TEX14: variants seen among roughly 807,000 people sequenced by gnomAD.
TEX14 encodes inactive serine/threonine-protein kinase TEX14.
Under a neutral mutation model 178.6 loss-of-function variants are expected in TEX14, and 168 were observed. The ratio of observed to expected loss-of-function variants is 0.94; its 90% CI spans 0.83 to 1.07. The LOEUF is 1.07. Ranked by LOEUF, TEX14 falls within the 50% of genes least tolerant of loss-of-function variation. The probability of loss-of-function intolerance (pLI) is 0.00; values close to 1 mark genes in which losing one functional copy is unlikely to be tolerated. For synonymous variants in TEX14, 626 were observed against 634.1 expected, an observed-to-expected ratio of 0.99 and a Z score of 0.19; for missense variants, 1,730 against 1,753.6, an observed-to-expected ratio of 0.99 and a Z score of 0.24.
chr17:58,576,990 T>C (rs2144381424), intron 21 of TEX14, among the ~76,000 whole-genome samples: 1 of 152,356 alleles, frequency 6.6e-6, no homozygotes, highest in Admixed American at 6.5e-5. Context: ...TAAACGTTCC[T>C]GTATGTATTT....
chr17:58,565,113 G>A, intron 27 of TEX14, 145 bp from the exon 28 acceptor site: 1 of 458,746 alleles, frequency 2.2e-6, no homozygotes. Flanking sequence ...GGAGAGCAGG[G>A]GGCCAGGTGG....
intron 10 of TEX14, 40 bp from the exon 11 acceptor site, chr17:58,605,169 AG>A: frequency 6.3e-7 from 1 of 1,595,092 alleles, no homozygotes; most frequent in Non-Finnish European, 8.6e-7. Context: ...CATGCCTTAA[AG>A]GGTCTTTTAT....
At chr17:58,642,030 T>C (rs1220132575) in intron 2 of TEX14, among the ~76,000 whole-genome samples, 3 of 152,158 alleles carry the variant, frequency 2.0e-5, no homozygotes, top group Non-Finnish European at 2.9e-5. Context: ...TCAATTCATT[T>C]CTCTAATGAA....
At chr17:58,565,707 TA>T in intron 27 of TEX14, 39 bp downstream of exon 27, 1 of 1,498,554 alleles carries the variant, frequency 6.7e-7, no homozygotes. Context: ...AGGACAGCGT[TA>T]AAAGAACCTG....
intron 24 of TEX14, among the ~76,000 whole-genome samples, chr17:58,571,366 G>A (rs567316884): frequency 1.3e-5 from 2 of 151,288 alleles, no homozygotes; most frequent in African/African-American, 4.9e-5. Flanking sequence ...CTCCCGTGTA[G>A]CTGAAACTAC....
Position 58,569,363 on chromosome 17 carries a change from A to G in TEX14, c.3818-103T>C. 1.2e-6 allele frequency: 1 copy of G among 841,470 alleles called. No individual in the cohort carries two copies. Among genetic ancestry groups the G allele is most frequent in the Non-Finnish European group, 1.9e-6 (1 of 515,550 alleles). 52.1% of individuals were successfully genotyped at this position (841,470 alleles called of 1,614,324 possible). A position where few individuals can be genotyped will look rare whatever the true frequency, so the allele number is the denominator to read the frequency against. On this transcript the variant is annotated intron_variant, in intron 25 of 31. Transcript: ENST00000349033. The surrounding 1 kb of genome is among the most constrained non-coding windows in gnomAD (Gnocchi z 4.1). Reference sequence around the variant, plus strand: ...ATAGACTTGACTGAGGATTTCTCTCAATGATGAAACAAACTAAGGAGGAAG... The same window carrying G: ...ATAGACTTGACTGAGGATTTCTCTCGATGATGAAACAAACTAAGGAGGAAG...
Position 58,599,525 on chromosome 17 carries a change from G to C in TEX14, c.1820C>G (p.Ala607Gly). 6.2e-7 allele frequency: 1 copy of C among 1,614,018 alleles called. No homozygotes were observed. Among genetic ancestry groups the C allele is most frequent in the Non-Finnish European group, 8.5e-7 (1 of 1,179,996 alleles). ...TGGCTGACCTGTGCTGGGGCTGCTG[G>C]CCTCTTCTGCCATAAATGGAGCAGG... ...PCPAPFMAEE[A>G]SSPSTGQPSL... Residue 607 changes from alanine (A) to glycine (G), a missense_variant, in exon 14 of 32, where the codon GCC becomes GGC. Ala to Gly is a moderately conservative substitution (Grantham distance 60). Coordinates refer to ENST00000349033, the MANE Select transcript of TEX14 (RefSeq NM_031272.5).
intron 19 of TEX14, among the ~76,000 whole-genome samples, chr17:58,584,010 G>C (rs890222818): frequency 6.6e-5 from 10 of 152,192 alleles, no homozygotes; most frequent in Admixed American, 4.6e-4. Context: ...CTGAAGCAAG[G>C]CTGTAACTGC....
chr17:58,591,734 A>C (rs1275312566), intron 15 of TEX14, among the ~76,000 whole-genome samples: 1 of 151,768 alleles, frequency 6.6e-6, no homozygotes, highest in Non-Finnish European at 1.5e-5. Flanking sequence ...AACAAAAAAA[A>C]ACTAAAACTG....
At chr17:58,558,863 G>A (rs1048940508) in intron 30 of TEX14, among the ~76,000 whole-genome samples, 8 of 152,016 alleles carry the variant, frequency 5.3e-5, no homozygotes, top group Admixed American at 1.3e-4. Flanking sequence ...TTTGGAAGAC[G>A]TTGGACAATT....
At position 58,671,187 on chromosome 17, in the gene TEX14, T is replaced by C. The variant is rs181350649; in HGVS notation, c.-1-19185A>G. On this transcript the variant is annotated intron_variant, in intron 1 of 31. Transcript: ENST00000349033. ...TTGGCAGTGTCTGCTGCTTAACCCA[T>C]TCACTAAGATTATTATTTCAATTAT... Among the ~76,000 whole-genome samples, 734 of 152,312 alleles carry C rather than the reference T, an allele frequency of 4.8e-3. 4 individuals carry two copies. The highest frequency in any genetic ancestry group is 0.017 in the African/African-American group (710 of 41,576).
chr17:58,585,059 C>T (rs962833590), intron 18 of TEX14, among the ~76,000 whole-genome samples: 1 of 152,066 alleles, frequency 6.6e-6, no homozygotes, highest in African/African-American at 2.4e-5. Context: ...AGCATAGACT[C>T]TCTGGAAAAA....
Position 58,585,931 on chromosome 17 carries a change from A to G in TEX14, c.2940T>C (p.Asp980=), listed in dbSNP as rs759935199. Residue 980 remains aspartate, a synonymous_variant, in exon 18 of 32, where the codon GAT becomes GAC. Coordinates refer to ENST00000349033, the MANE Select transcript of TEX14 (RefSeq NM_031272.5). The part of the protein sequence containing the change: ...QPPIRSPENT[D]WQRVIEYHRE... The stretch of plus-strand genomic sequence containing the variant: ...TATGATACTCAATAACTCGCTGCCA[A>G]TCCGTGTTTTCTGGGCTCCTAATGG... 5.6e-6 allele frequency: 9 copies of G among 1,613,946 alleles called. No homozygotes were observed. Among genetic ancestry groups the G allele is most frequent in the Non-Finnish European group, 7.6e-6 (9 of 1,179,994 alleles).
intron 4 of TEX14, among the ~76,000 whole-genome samples, chr17:58,622,402 C>T (rs556130941): frequency 4.6e-5 from 7 of 150,752 alleles, no homozygotes; most frequent in South Asian, 2.1e-4. Flanking sequence ...GCTGAGCTCG[C>T]GCCACTGCAC....
chr17:58,569,353 G>T lies in TEX14; in HGVS notation c.3818-93C>A. The stretch of plus-strand genomic sequence containing the variant: ...CGGCTCTCACATAGACTTGACTGAG[G>T]ATTTCTCTCAATGATGAAACAAACT... On this transcript the variant is annotated intron_variant, in intron 25 of 31. Coordinates refer to ENST00000349033, the MANE Select transcript of TEX14 (RefSeq NM_031272.5). The surrounding 1 kb of genome is among the most constrained non-coding windows in gnomAD (Gnocchi z 4.1). The T allele has an allele frequency of 1.1e-6, 1 of 916,898 alleles. No individual in the cohort carries two copies. Among genetic ancestry groups the T allele is most frequent in the Non-Finnish European group, 1.7e-6 (1 of 576,574 alleles). 56.8% of individuals were successfully genotyped at this position (916,898 alleles called of 1,614,324 possible).
intron 1 of TEX14, among the ~76,000 whole-genome samples, chr17:58,691,687 C>T (rs567765640): frequency 1.6e-4 from 19 of 115,160 alleles, no homozygotes; most frequent in African/African-American, 6.0e-4. Flanking sequence ...AAAAAAAAAT[C>T]GCCAATAGGT....
Position 58,585,841 on chromosome 17 carries a change from A to ACTG in TEX14, c.3027_3029dup (p.Ser1010dup), listed in dbSNP as rs746951295. On this transcript the variant is annotated inframe_insertion, in exon 18 of 32. Coordinates refer to ENST00000349033, the MANE Select transcript of TEX14 (RefSeq NM_031272.5). Reference sequence around the variant, plus strand: ...GCCTGGGCTGTCTGCCATGCTGGTCACTGTCACAGTCATTGTTGCCCGTCT... The same window carrying ACTG: ...GCCTGGGCTGTCTGCCATGCTGGTCACTGCTGTCACAGTCATTGTTGCCCGTCT... The ACTG allele has an allele frequency of 1.9e-6, 3 of 1,614,028 alleles. No individual in the cohort carries two copies. The East Asian group carries it at 6.7e-5, about 36-fold the overall frequency.
At chr17:58,666,445 A>T (rs2047207246) in intron 1 of TEX14, 1 of 148,074 alleles carries the variant, frequency 6.8e-6, no homozygotes, top group African/African-American at 2.5e-5. Context: ...AAAGTGAAAC[A>T]AACCTTCCAC....
intron 1 of TEX14, among the ~76,000 whole-genome samples, chr17:58,669,564 T>C (rs997728388): frequency 6.6e-6 from 1 of 151,414 alleles, no homozygotes; most frequent in Admixed American, 6.6e-5. Flanking sequence ...TGAAACCCCA[T>C]GTCTACTAAA....
Sources: allele counts gnomAD v4.1 joint callset (sites outside exome capture counted in the v4.1 genomes callset), GRCh38; gene constraint gnomAD v4.1.1; non-coding constraint Gnocchi (gnomAD v3.1); transcripts MANE v1.5; gene names NCBI Gene and HGNC (gene_info 2026-07-23, HGNC 2026-07-21).